The following SUGCT variants were observed in gnomAD, a reference collection of about 807,000 sequenced individuals.
SUGCT encodes succinyl-CoA:glutarate-CoA transferase.
A neutral mutation model predicts 55.0 loss-of-function variants in SUGCT; 41 were observed. The observed-to-expected ratio is 0.74, with a 90% CI of 0.58 to 0.97. The LOEUF is 0.97. Ranked by LOEUF, SUGCT falls within the 50% of genes least tolerant of loss-of-function variation. SUGCT has a pLI of 0.00. For synonymous variants in SUGCT, 187 were observed against 200.4 expected (o/e 0.93, Z 0.56); for missense variants, 568 against 547.8 (o/e 1.04, Z -0.37).
At chr7:40,706,073 G>A (rs1188188326) in intron 12 of SUGCT, among the ~76,000 whole-genome samples, 1 of 152,138 alleles carries the variant, frequency 6.6e-6, no homozygotes. Flanking sequence ...GCATTGTCTA[G>A]TATTTATATG....
At chr7:40,797,120 G>T (rs1790588648) in intron 13 of SUGCT, among the ~76,000 whole-genome samples, 1 of 152,118 alleles carries the variant, frequency 6.6e-6, no homozygotes, top group Admixed American at 6.6e-5. Context: ...GTAAGTCTTG[G>T]GATAAATTTT....
At chr7:40,730,388 T>G (rs1786833179) in intron 12 of SUGCT, among the ~76,000 whole-genome samples, 1 of 152,212 alleles carries the variant, frequency 6.6e-6, no homozygotes, top group Non-Finnish European at 1.5e-5. Flanking sequence ...ATTACAGGTG[T>G]GAGCCACCAT....
intron 6 of SUGCT, among the ~76,000 whole-genome samples, chr7:40,197,117 G>GA (rs1443590557): frequency 1.3e-5 from 2 of 152,166 alleles, no homozygotes; most frequent in Non-Finnish European, 2.9e-5. Flanking sequence ...TTACACGTGT[G>GA]AGCCACTGTG....
At chr7:40,956,630 G>A in the SUGCT span, among the ~76,000 whole-genome samples, 1 of 151,842 alleles carries the variant, frequency 6.6e-6, no homozygotes, top group African/African-American at 2.4e-5. Flanking sequence ...CTTCAGTTCT[G>A]CTCTGATCTT....
At chr7:40,580,864 C>T (rs1351719857) in intron 12 of SUGCT, among the ~76,000 whole-genome samples, 3 of 152,170 alleles carry the variant, frequency 2.0e-5, no homozygotes, top group African/African-American at 7.2e-5. Flanking sequence ...TAAGAACAGG[C>T]TATACCATAT....
intron 12 of SUGCT, among the ~76,000 whole-genome samples, chr7:40,655,092 A>C (rs1199522086): frequency 1.3e-5 from 2 of 152,100 alleles, no homozygotes; most frequent in African/African-American, 4.8e-5. Flanking sequence ...TCTGAAGTTC[A>C]AGACCAGCCT....
intron 8 of SUGCT, among the ~76,000 whole-genome samples, chr7:40,277,348 A>AT (rs34112220): frequency 2.4e-3 from 350 of 146,586 alleles, no homozygotes; most frequent in African/African-American, 5.9e-3. Flanking sequence ...CTCCTGGCTA[A>AT]TTTTTTTTTT....
chr7:40,950,000 TTGG>T, the SUGCT span, among the ~76,000 whole-genome samples: 2 of 152,184 alleles, frequency 1.3e-5, no homozygotes, highest in South Asian at 4.1e-4. Flanking sequence ...AAGAAAGTAA[TTGG>T]TAGCTTGATA....
chr7:40,865,750 T>G (rs1794565954), downstream of SUGCT, among the ~76,000 whole-genome samples: 1 of 152,198 alleles, frequency 6.6e-6, no homozygotes, highest in African/African-American at 2.4e-5. Flanking sequence ...TTACTCTTTC[T>G]TAGCAAAGGA....
the SUGCT span, among the ~76,000 whole-genome samples, chr7:40,906,768 G>C: frequency 6.6e-6 from 1 of 152,178 alleles, no homozygotes. Flanking sequence ...TGGATACCAT[G>C]CCTATATAAT....
At chr7:40,207,635 G>A (rs981582980) in intron 6 of SUGCT, among the ~76,000 whole-genome samples, 4 of 152,222 alleles carry the variant, frequency 2.6e-5, no homozygotes, top group Admixed American at 6.5e-5. Flanking sequence ...TGGACAACAT[G>A]GTGAAATCCT....
chr7:40,695,672 AATT>A (rs1376948182), intron 12 of SUGCT, among the ~76,000 whole-genome samples: 18 of 152,114 alleles, frequency 1.2e-4, no homozygotes, highest in African/African-American at 4.3e-4. Context: ...AGACAGGTAC[AATT>A]ATTAGTATTC....
intron 12 of SUGCT, among the ~76,000 whole-genome samples, chr7:40,604,030 A>AT (rs1798413220): frequency 6.6e-6 from 1 of 151,806 alleles, no homozygotes; most frequent in Non-Finnish European, 1.5e-5. Context: ...GGTGGCCACC[A>AT]TTTTTCAGTA....
chr7:40,952,659 A>C, the SUGCT span, among the ~76,000 whole-genome samples: 1 of 152,120 alleles, frequency 6.6e-6, no homozygotes, highest in African/African-American at 2.4e-5. Context: ...GTGGTGACAA[A>C]ATCTCTCAGT....
the SUGCT span, among the ~76,000 whole-genome samples, chr7:40,974,496 C>T: frequency 6.6e-6 from 1 of 152,276 alleles, no homozygotes; most frequent in African/African-American, 2.4e-5. Context: ...GACAAGAGCC[C>T]TCGGCAGAAA....
chr7:40,632,096 C>A (rs1799814832), intron 12 of SUGCT, among the ~76,000 whole-genome samples: 1 of 152,148 alleles, frequency 6.6e-6, no homozygotes, highest in Admixed American at 6.5e-5. Context: ...GGAAATGGTG[C>A]TTTATACATA....
chr7:40,989,753 A>G, the SUGCT span, among the ~76,000 whole-genome samples: 2 of 152,198 alleles, frequency 1.3e-5, no homozygotes, highest in Non-Finnish European at 2.9e-5. Context: ...CCTGGGTGAC[A>G]GAGTAAGACT....
chr7:40,176,734 A>T (rs765703216), intron 1 of SUGCT, among the ~76,000 whole-genome samples: 1 of 151,890 alleles, frequency 6.6e-6, no homozygotes, highest in Non-Finnish European at 1.5e-5. Flanking sequence ...GCACTTTGAG[A>T]GGTCGAGGTG....
the SUGCT span, among the ~76,000 whole-genome samples, chr7:40,930,355 G>C: frequency 6.6e-6 from 1 of 152,208 alleles, no homozygotes; most frequent in South Asian, 2.1e-4. Context: ...TAAGTAGCGT[G>C]ATGCCTCCAG....
Sources: allele counts gnomAD v4.1 joint callset (sites outside exome capture counted in the v4.1 genomes callset), GRCh38; gene constraint gnomAD v4.1.1; transcripts MANE v1.5; gene names NCBI Gene and HGNC (gene_info 2026-07-23, HGNC 2026-07-21).